Variants in CSMD1 observed in about 807,000 individuals in gnomAD.
CSMD1 encodes the protein CUB and Sushi multiple domains 1.
In CSMD1, 213 loss-of-function variants were observed where a neutral mutation model predicts 417.5. That is an observed-to-expected ratio of 0.51 (90% CI 0.46 to 0.57). The LOEUF is 0.57. Ranked by LOEUF, CSMD1 falls within the 20% of genes least tolerant of loss-of-function variation. CSMD1 has a pLI of 0.00. For missense variants in CSMD1, 6,923 were observed against 4,529.7 expected (o/e 1.53, Z -15.17); for synonymous variants, 2,862 against 1,736.8 (o/e 1.65, Z -16.11).
At chr8:3,137,132 G>A (rs1030570009) in intron 41 of CSMD1, among the ~76,000 whole-genome samples, 6 of 152,130 alleles carry the variant, frequency 3.9e-5, no homozygotes, top group African/African-American at 1.4e-4. Context: ...CTGGCTCTGT[G>A]AAATGATGGG....
intron 1 of CSMD1, among the ~76,000 whole-genome samples, chr8:4,824,964 C>G (rs1799739218): frequency 6.6e-6 from 1 of 152,058 alleles, no homozygotes; most frequent in Non-Finnish European, 1.5e-5. Flanking sequence ...TAGAAGCAAT[C>G]AAAGAATCTC....
In CSMD1 at chr8:4,462,299, G is replaced by A. The variant is rs7813696; in HGVS notation, c.303-42234C>T. 6.9e-4 allele frequency among the ~76,000 whole-genome samples: 105 copies of A among 152,084 alleles called. 2 individuals are homozygous for A. In the South Asian group the frequency reaches 0.021, roughly 31 times the overall value. ...ATTAGGAATAAATTTAACAAAATAA[G>A]TACAAAATATATATTCCAAAAACTA... is the stretch of plus-strand genomic sequence containing the variant. On this transcript the variant is annotated intron_variant, in intron 2 of 69. Transcript: ENST00000635120.
intron 5 of CSMD1, among the ~76,000 whole-genome samples, chr8:3,981,500 T>TAAAAAAAATA (rs1813862780): frequency 8.7e-6 from 1 of 115,074 alleles, no homozygotes; most frequent in African/African-American, 3.3e-5. Context: ...TAGAAAAAAG[T>TAAAAAAAATA]AAAAAAAAAA....
At chr8:4,775,210 T>G (rs1280691642) in intron 1 of CSMD1, among the ~76,000 whole-genome samples, 1 of 152,120 alleles carries the variant, frequency 6.6e-6, no homozygotes, top group Non-Finnish European at 1.5e-5. Flanking sequence ...TTTCTGATTG[T>G]AGGACATATC....
chr8:4,142,701 T>G (rs1380945635), intron 3 of CSMD1, among the ~76,000 whole-genome samples: 2 of 151,162 alleles, frequency 1.3e-5, no homozygotes, highest in African/African-American at 2.5e-5. Context: ...GGCTGAGGTT[T>G]AGGGCATTCC....
At chr8:3,921,661 C>T (rs1004304904) in intron 5 of CSMD1, among the ~76,000 whole-genome samples, 39 of 152,090 alleles carry the variant, frequency 2.6e-4, no homozygotes, top group African/African-American at 8.2e-4. Context: ...GTTGTTCAGG[C>T]GTATGTTGCT....
chr8:3,678,069 G>A (rs1412287075), intron 7 of CSMD1, among the ~76,000 whole-genome samples: 1 of 152,134 alleles, frequency 6.6e-6, no homozygotes, highest in East Asian at 1.9e-4. Flanking sequence ...AAAGATGGCT[G>A]AATAGGAACA....
In CSMD1 at chr8:3,118,561, G is replaced by T; in HGVS notation, c.6268C>A (p.Pro2090Thr). 2 of 1,613,664 alleles carry T rather than the reference G, an allele frequency of 1.2e-6. No individual in the cohort carries two copies. Among genetic ancestry groups the T allele is most frequent in the Non-Finnish European group, 1.7e-6 (2 of 1,179,792 alleles). ...QAYELQNCPD[P>T]PPFQNGYMIN... ...ATGTACCCATTCTGAAATGGGGGTG[G>T]ATCTGGACAGTTCTGTAATTCATAG... Residue 2090 changes from proline (P) to threonine (T), a missense_variant, in exon 42 of 70, where the codon CCA (proline) becomes ACA (threonine). Transcript: ENST00000635120.
chr8:4,135,641 G>A (rs553353332), intron 3 of CSMD1, among the ~76,000 whole-genome samples: 3 of 152,122 alleles, frequency 2.0e-5, no homozygotes, highest in South Asian at 4.2e-4. Flanking sequence ...AGATGTTTGG[G>A]ATAATATATG....
intron 37 of CSMD1, among the ~76,000 whole-genome samples, chr8:3,179,272 G>A (rs1365237866): frequency 1.3e-5 from 2 of 152,260 alleles, no homozygotes; most frequent in Non-Finnish European, 2.9e-5. Flanking sequence ...ATTCTGGCAT[G>A]AAGAATAGGA....
At chr8:4,120,328 T>C (rs575134168) in intron 3 of CSMD1, among the ~76,000 whole-genome samples, 3 of 152,324 alleles carry the variant, frequency 2.0e-5, no homozygotes, top group African/African-American at 7.2e-5. Context: ...TATTGATTAC[T>C]TAGCTATAAG....
chr8:3,305,771 C>T (rs1804788853), intron 25 of CSMD1, among the ~76,000 whole-genome samples: 1 of 152,206 alleles, frequency 6.6e-6, no homozygotes, highest in Admixed American at 6.5e-5. Flanking sequence ...GCTCCACCTC[C>T]TGGGTTCACA....
intron 3 of CSMD1, among the ~76,000 whole-genome samples, chr8:4,233,616 T>G (rs955627962): frequency 4.6e-5 from 7 of 152,132 alleles, no homozygotes; most frequent in African/African-American, 1.7e-4. Flanking sequence ...CCAGGACACC[T>G]TGATCTTGGA....
intron 7 of CSMD1, among the ~76,000 whole-genome samples, chr8:3,640,345 C>T (rs987051366): frequency 6.6e-6 from 1 of 152,080 alleles, no homozygotes; most frequent in African/African-American, 2.4e-5. Flanking sequence ...ATTAAATATC[C>T]ATTTGTAGTT....
intron 3 of CSMD1, among the ~76,000 whole-genome samples, chr8:4,107,993 G>C (rs1462172465): frequency 1.3e-5 from 2 of 152,012 alleles, no homozygotes; most frequent in Non-Finnish European, 2.9e-5. Context: ...TAGAGAAGTA[G>C]AAAGTAAGGG....
intron 30 of CSMD1, among the ~76,000 whole-genome samples, chr8:3,208,421 C>G (rs1423495975): frequency 6.6e-6 from 1 of 152,128 alleles, no homozygotes; most frequent in Non-Finnish European, 1.5e-5. Context: ...TGCACACCAC[C>G]ACACACAGCT....
At chr8:3,292,353 C>G (rs921911581) in intron 25 of CSMD1, among the ~76,000 whole-genome samples, 1 of 152,036 alleles carries the variant, frequency 6.6e-6, no homozygotes, top group South Asian at 2.1e-4. Flanking sequence ...CCGCTTGGTG[C>G]AGAGCTGAGT....
intron 1 of CSMD1, among the ~76,000 whole-genome samples, chr8:4,899,896 T>A (rs1395678980): frequency 6.6e-6 from 1 of 152,188 alleles, no homozygotes; most frequent in African/African-American, 2.4e-5. Flanking sequence ...TTTCAGCTGC[T>A]CTGTCCCTAG....
At chr8:4,964,639 C>T (rs888099899) in intron 1 of CSMD1, among the ~76,000 whole-genome samples, 1 of 149,426 alleles carries the variant, frequency 6.7e-6, no homozygotes, top group Non-Finnish European at 1.5e-5. Context: ...TCCAAAAATA[C>T]ATTTTTCTAA....
Sources: allele counts gnomAD v4.1 joint callset (sites outside exome capture counted in the v4.1 genomes callset), GRCh38; gene constraint gnomAD v4.1.1; transcripts MANE v1.5; gene names NCBI Gene and HGNC (gene_info 2026-07-23, HGNC 2026-07-21).